UBL7: variants seen among roughly 807,000 people sequenced by gnomAD.
UBL7 encodes the protein ubiquitin-like protein 7.
A neutral mutation model predicts 41.7 loss-of-function variants in UBL7; 21 were observed. The observed-to-expected ratio is 0.50, with a 90% confidence interval of 0.36 to 0.73. The LOEUF (loss-of-function observed/expected upper bound fraction) is 0.73, where lower values mean the gene tolerates loss of function less well. Among genes scored for constraint, UBL7 ranks in the 30% least tolerant of loss-of-function variants. The pLI is 0.00. For missense variants in UBL7, 403 were observed against 478.4 expected, an observed-to-expected ratio of 0.84 and a Z score of 1.47; for synonymous variants, 157 against 186.9, an observed-to-expected ratio of 0.84 and a Z score of 1.31.
At chr15:74,456,999 C>T (rs140324483) in intron 2 of UBL7, among the ~76,000 whole-genome samples, 263 of 152,158 alleles carry the variant, frequency 1.7e-3, no homozygotes, top group African/African-American at 5.8e-3. Flanking sequence ...TTTGTAGAGA[C>T]GGGGTTTTGC....
At chr15:74,454,650 G>A (rs184430266) in intron 3 of UBL7, among the ~76,000 whole-genome samples, 6 of 152,200 alleles carry the variant, frequency 3.9e-5, no homozygotes, top group South Asian at 2.1e-4. Context: ...CGCCCACCTC[G>A]GCCTCCCAAA....
chr15:74,449,899 TC>T lies in UBL7; in HGVS notation c.664+36del, dbSNP rs755317989. 4.4e-6 allele frequency: 7 copies of T among 1,592,674 alleles called. No individual in the cohort carries two copies. The Admixed American group carries it at 7.0e-5, about 16-fold the overall frequency. On this transcript the variant is annotated intron_variant, in intron 7 of 10. Coordinates refer to ENST00000395081, the MANE Select transcript of UBL7 (RefSeq NM_032907.5). ...AGCAAATTCCTGGGCCACTGCCGGCTCCTGAGGGGCCCACATTACACTTTTC... is the reference window on the plus strand; with the variant it reads ...AGCAAATTCCTGGGCCACTGCCGGCTCTGAGGGGCCCACATTACACTTTTC...
chr15:74,460,713 C>T (rs1280587164), intron 1 of UBL7: 2 of 1,289,342 alleles, frequency 1.6e-6, no homozygotes, highest in East Asian at 5.6e-5. Flanking sequence ...ACTCTGACGG[C>T]GGAAGAATCT....
intron 4 of UBL7, among the ~76,000 whole-genome samples, 154 bp downstream of exon 4, chr15:74,452,142 G>A (rs1027896209): frequency 6.6e-6 from 1 of 152,212 alleles, no homozygotes; most frequent in Non-Finnish European, 1.5e-5. Context: ...GGGAAAGACA[G>A]GGCTCTACTG....
chr15:74,448,162 T>C (rs566112849), intron 10 of UBL7, among the ~76,000 whole-genome samples: 1 of 152,318 alleles, frequency 6.6e-6, no homozygotes, highest in East Asian at 1.9e-4. Flanking sequence ...GCCCAGCATC[T>C]GGACTCAGGC....
rs1459952926 is a variant in UBL7 at position 74,461,143 on chromosome 15, G to C, written c.-136C>G. The C allele has an allele frequency of 1.0e-6, 1 of 997,694 alleles. No homozygotes were observed. The highest frequency in any genetic ancestry group is 1.2e-6 in the Non-Finnish European group (1 of 836,170). The allele number at this position is 997,694 out of a possible 1,614,324, so 61.8% of individuals were successfully genotyped here. On this transcript the variant is annotated 5_prime_UTR_variant, in exon 1 of 11. Coordinates refer to ENST00000395081, the MANE Select transcript of UBL7 (RefSeq NM_032907.5). ...GAAGGAACCCGGCCGCACTGCCGCCGGTGTAAACACTCACTCTGGCCCTCT... is the reference window on the plus strand; with the variant it reads ...GAAGGAACCCGGCCGCACTGCCGCCCGTGTAAACACTCACTCTGGCCCTCT...
chr15:74,445,990 C>T lies in UBL7; in HGVS notation c.*100G>A. On this transcript the variant is annotated 3_prime_UTR_variant, in exon 11 of 11. Coordinates refer to ENST00000395081, the MANE Select transcript of UBL7 (RefSeq NM_032907.5). The stretch of plus-strand genomic sequence containing the variant: ...TGGACAAAGCAGGAGAGTTGACCAT[C>T]AGGTATATTGGGGAAGGGAGAGATG... 4.1e-6 allele frequency: 6 copies of T among 1,477,430 alleles called. No individual in the cohort carries two copies. Among genetic ancestry groups the T allele is most frequent in the Non-Finnish European group, 4.6e-6 (5 of 1,096,166 alleles). 91.5% of individuals were successfully genotyped at this position (1,477,430 alleles called of 1,614,324 possible). A position where few individuals can be genotyped will look rare whatever the true frequency, so the allele number is the denominator to read the frequency against.
At chr15:74,452,967 C>T (rs935295326) in intron 3 of UBL7, among the ~76,000 whole-genome samples, 3 of 152,228 alleles carry the variant, frequency 2.0e-5, no homozygotes, top group African/African-American at 7.2e-5. Context: ...ACACCTCGGC[C>T]TCCCAAAGTG....
intron 3 of UBL7, among the ~76,000 whole-genome samples, chr15:74,454,118 G>A (rs2061273357): frequency 6.6e-6 from 1 of 152,204 alleles, no homozygotes; most frequent in Non-Finnish European, 1.5e-5. Context: ...CACTTTCTAA[G>A]TAGCTGACCT....
chr15:74,449,332 T>C lies in UBL7; in HGVS notation c.736A>G (p.Ser246Gly). Residue 246 changes from serine to glycine, a missense_variant, in exon 9 of 11, where the codon AGC becomes GGC. Physicochemically the swap from Ser to Gly is moderately conservative, Grantham distance 56 (BLOSUM62 0). Transcript: ENST00000395081. Reference protein sequence around the residue: ...FHPNTRSTPSSSTPSSRPASL... With the variant: ...FHPNTRSTPSGSTPSSRPASL... The stretch of plus-strand genomic sequence containing the variant: ...GCTGGGCGGGAGCTGGGAGTACTGC[T>C]AGAGGGTGTGGACCTGGTGTTCTGG... 1.9e-6 allele frequency: 3 copies of C among 1,614,030 alleles called. No homozygotes were observed. Among genetic ancestry groups the C allele is most frequent in the Non-Finnish European group, 2.5e-6 (3 of 1,179,988 alleles).
chr15:74,450,336 A>G (rs1332110179), intron 6 of UBL7, among the ~76,000 whole-genome samples: 1 of 152,178 alleles, frequency 6.6e-6, no homozygotes, highest in Admixed American at 6.5e-5. Flanking sequence ...GCAGCCTGGG[A>G]GGCTCAGGGT....
chr15:74,461,124 A>G lies in UBL7; in HGVS notation c.-117T>C. 1 of 996,770 alleles carries G rather than the reference A, an allele frequency of 1.0e-6. No individual in the cohort carries two copies. The highest frequency in any genetic ancestry group is 1.2e-6 in the Non-Finnish European group (1 of 835,582). The allele number at this position is 996,770 out of a possible 1,614,324, so 61.7% of individuals were successfully genotyped here. ...CGCCCTCACCCGTCCCGCGGAAGGAACCCGGCCGCACTGCCGCCGGTGTAA... is the reference window on the plus strand; with the variant it reads ...CGCCCTCACCCGTCCCGCGGAAGGAGCCCGGCCGCACTGCCGCCGGTGTAA... On this transcript the variant is annotated 5_prime_UTR_variant, in exon 1 of 11. Coordinates refer to ENST00000395081, the MANE Select transcript of UBL7 (RefSeq NM_032907.5).
intron 1 of UBL7, chr15:74,460,721 T>C (rs1356381632): frequency 1.8e-5 from 23 of 1,289,402 alleles, no homozygotes; most frequent in Non-Finnish European, 2.1e-5. Context: ...GGCGGAAGAA[T>C]CTTGCAAAGC....
intron 10 of UBL7, 106 bp downstream of exon 10, chr15:74,448,372 G>C: frequency 6.5e-7 from 1 of 1,531,600 alleles, no homozygotes; most frequent in Non-Finnish European, 8.9e-7. Context: ...GCTGTTCCTA[G>C]AATGAAGCAT....
chr15:74,458,711 C>T lies in UBL7; in HGVS notation c.157G>A (p.Glu53Lys). The change falls in exon 2 of 11, where the codon GAG becomes AAG. Residue 53 changes from glutamate to lysine, a missense_variant. By Grantham distance (56) the Glu-to-Lys change is moderately conservative. Coordinates refer to ENST00000395081, the MANE Select transcript of UBL7 (RefSeq NM_032907.5). Reference sequence around the variant, plus strand: ...ATCAGCTCAGGGTCTGGAACAGACTCCTGGAGTTTGCCAGCAATAAGCTGC... The same window carrying T: ...ATCAGCTCAGGGTCTGGAACAGACTTCTGGAGTTTGCCAGCAATAAGCTGC... ...LKQLIAGKLQ[E>K]SVPDPELIDL... 7 of 1,614,038 alleles carry T rather than the reference C, an allele frequency of 4.3e-6. No homozygotes were observed. The highest frequency in any genetic ancestry group is 5.9e-6 in the Non-Finnish European group (7 of 1,180,012).
chr15:74,449,249 G>A lies in UBL7; in HGVS notation c.819C>T (p.Ala273=), dbSNP rs369233989. Residue 273 remains alanine (A), a synonymous_variant, in exon 9 of 11, where the codon GCC becomes GCT. Transcript: ENST00000395081. ...GPRPITQSEL[A]TALALASTPE... is the part of the protein sequence containing the mutation. ...GAGTGCTGGCCAGGGCCAAGGCGGTGGCCAGCTCACTCTGGGTGATGGGCC... is the reference window on the plus strand; with the variant it reads ...GAGTGCTGGCCAGGGCCAAGGCGGTAGCCAGCTCACTCTGGGTGATGGGCC... 1.2e-6 allele frequency: 2 copies of A among 1,610,390 alleles called. No individual in the cohort carries two copies. The highest frequency in any genetic ancestry group is 2.7e-5 in the African/African-American group (2 of 74,836).
intron 9 of UBL7, 143 bp from the exon 10 acceptor site, chr15:74,448,743 AC>A: frequency 8.3e-7 from 1 of 1,204,618 alleles, no homozygotes; most frequent in South Asian, 1.4e-5. Context: ...AGACAACCAA[AC>A]AAAGGTAACT....
chr15:74,460,126 C>T (rs1410022905), intron 1 of UBL7, among the ~76,000 whole-genome samples: 1 of 151,676 alleles, frequency 6.6e-6, no homozygotes, highest in African/African-American at 2.4e-5. Context: ...CTTGTAATCC[C>T]AGCTACTTGA....
intron 6 of UBL7, among the ~76,000 whole-genome samples, chr15:74,450,279 C>T (rs979366279): frequency 3.9e-5 from 6 of 152,194 alleles, no homozygotes; most frequent in African/African-American, 1.4e-4. Flanking sequence ...CTGGGGTCCG[C>T]TGCAGATTCT....
Sources: gnomAD v4.1 joint callset for allele counts (sites outside exome capture counted in the v4.1 genomes callset) on GRCh38, gnomAD v4.1.1 for gene constraint, MANE v1.5 for transcripts, NCBI Gene and HGNC (gene_info 2026-07-23, HGNC 2026-07-21) for gene names.